Variants in PARD3B observed in about 807,000 individuals in gnomAD.
The protein encoded by PARD3B is par-3 family cell polarity regulator beta.
Under a neutral mutation model 130.2 loss-of-function variants are expected in PARD3B, and 103 were observed. The ratio of observed to expected loss-of-function variants is 0.79; its 90% CI spans 0.67 to 0.93. PARD3B has a LOEUF of 0.93. PARD3B is among the 40% of genes least tolerant of loss of function. The pLI is 0.00. For synonymous variants in PARD3B, 583 were observed against 553.2 expected (o/e 1.05, Z -0.76); for missense variants, 1,609 against 1,499.2 (o/e 1.07, Z -1.21).
intron 20 of PARD3B, among the ~76,000 whole-genome samples, chr2:205,444,239 T>C (rs914018635): frequency 2.3e-4 from 35 of 152,264 alleles, no homozygotes; most frequent in African/African-American, 7.0e-4. Flanking sequence ...CCCCTTGGCC[T>C]CCCAAAATGC....
At chr2:204,638,686 G>A (rs549672278) in intron 1 of PARD3B, among the ~76,000 whole-genome samples, 1 of 152,210 alleles carries the variant, frequency 6.6e-6, no homozygotes, top group Admixed American at 6.5e-5. Context: ...AGATTTTGGG[G>A]GGAGGAGGGG....
intron 11 of PARD3B, among the ~76,000 whole-genome samples, chr2:205,162,907 G>T (rs751561575): frequency 6.6e-6 from 1 of 152,148 alleles, no homozygotes; most frequent in Non-Finnish European, 1.5e-5. Context: ...TTTGAGATCA[G>T]TGGTTTTTCT....
intron 1 of PARD3B, among the ~76,000 whole-genome samples, chr2:204,628,203 C>T (rs376655221): frequency 6.6e-6 from 1 of 151,962 alleles, no homozygotes; most frequent in African/African-American, 2.4e-5. Context: ...GAGTTTCTCC[C>T]TATCCCGCTT....
At chr2:205,014,106 T>C (rs1244311322) in intron 3 of PARD3B, among the ~76,000 whole-genome samples, 4 of 152,362 alleles carry the variant, frequency 2.6e-5, no homozygotes, top group Non-Finnish European at 5.9e-5. Context: ...CTATTCATAT[T>C]GGCATGCTGG....
chr2:205,130,524 T>C (rs547085930), intron 10 of PARD3B, among the ~76,000 whole-genome samples: 16 of 152,298 alleles, frequency 1.1e-4, no homozygotes, highest in Non-Finnish European at 2.1e-4. Context: ...TATGTATGTG[T>C]GTGTACATGT....
intron 1 of PARD3B, among the ~76,000 whole-genome samples, chr2:204,556,527 T>A (rs974196099): frequency 6.6e-6 from 1 of 152,110 alleles, no homozygotes; most frequent in Non-Finnish European, 1.5e-5. Flanking sequence ...TGAAAGATGA[T>A]GAAGAATTTT....
intron 18 of PARD3B, among the ~76,000 whole-genome samples, chr2:205,307,144 T>C (rs11692923): frequency 0.6 from 91,057 of 152,030 alleles, 29,237 homozygotes; most frequent in South Asian, 0.75. Context: ...AGTGGTGTTC[T>C]TGTTCTTGTT....
intron 15 of PARD3B, among the ~76,000 whole-genome samples, chr2:205,237,136 G>A (rs1035602671): frequency 9.9e-5 from 15 of 152,120 alleles, no homozygotes; most frequent in African/African-American, 3.6e-4. Context: ...TTTTGCCCTT[G>A]TCGTCCAGGC....
intron 3 of PARD3B, among the ~76,000 whole-genome samples, chr2:205,023,131 G>T (rs1043244986): frequency 2.0e-5 from 3 of 152,166 alleles, no homozygotes; most frequent in African/African-American, 7.2e-5. Flanking sequence ...CAATCAGAGA[G>T]TGTCGGGGGG....
At chr2:205,399,305 CAA>C (rs2046154449) in intron 18 of PARD3B, among the ~76,000 whole-genome samples, 1 of 151,276 alleles carries the variant, frequency 6.6e-6, no homozygotes, top group South Asian at 2.1e-4. Context: ...GGAATCTCCC[CAA>C]GTTTTTTTTG....
intron 2 of PARD3B, among the ~76,000 whole-genome samples, chr2:204,764,715 C>CGTGCGTGTGTGTGT (rs1553519192): frequency 6.9e-6 from 1 of 145,644 alleles, no homozygotes; most frequent in Non-Finnish European, 1.5e-5. Flanking sequence ...GGCATGCATG[C>CGTGCGTGTGTGTGT]GTGTGTGTGT....
chr2:204,658,926 C>A (rs899881577), intron 1 of PARD3B, among the ~76,000 whole-genome samples: 24 of 152,146 alleles, frequency 1.6e-4, no homozygotes, highest in Admixed American at 1.4e-3. Context: ...CATTTAAAAG[C>A]TCATGTAGAT....
At chr2:204,884,077 A>G (rs2046181774) in intron 2 of PARD3B, among the ~76,000 whole-genome samples, 1 of 152,190 alleles carries the variant, frequency 6.6e-6, no homozygotes, top group Non-Finnish European at 1.5e-5. Flanking sequence ...GATAATAGCT[A>G]AATATTTCAT....
chr2:205,043,310 T>A (rs542872811), intron 3 of PARD3B, among the ~76,000 whole-genome samples: 1 of 152,122 alleles, frequency 6.6e-6, no homozygotes, highest in African/African-American at 2.4e-5. Flanking sequence ...ACCTACTTTT[T>A]TGGGGGAGGG....
chr2:205,436,880 T>C (rs2047535136), intron 19 of PARD3B, among the ~76,000 whole-genome samples: 3 of 152,040 alleles, frequency 2.0e-5, no homozygotes, highest in Admixed American at 2.0e-4. Context: ...CATACTTCTC[T>C]TTTCTCACTA....
At chr2:205,107,881 G>A (rs1485147274) in intron 5 of PARD3B, among the ~76,000 whole-genome samples, 1 of 152,162 alleles carries the variant, frequency 6.6e-6, no homozygotes, top group South Asian at 2.1e-4. Context: ...CACTTTGAAT[G>A]TCTCTTTAAA....
At chr2:205,553,455 T>C (rs750436880) in intron 22 of PARD3B, 52 bp downstream of exon 22, 2 of 1,539,426 alleles carry the variant, frequency 1.3e-6, no homozygotes, top group South Asian at 1.1e-5. Flanking sequence ...ATGAAGTCTT[T>C]AGAGAAGTCT....
chr2:205,508,793 C>A (rs1270923098), intron 21 of PARD3B, among the ~76,000 whole-genome samples: 1 of 152,064 alleles, frequency 6.6e-6, no homozygotes, highest in Non-Finnish European at 1.5e-5. Context: ...GAGAAAAAAC[C>A]ATGTCTATAC....
At chr2:205,173,191 T>C (rs567629601) in intron 12 of PARD3B, among the ~76,000 whole-genome samples, 6 of 152,152 alleles carry the variant, frequency 3.9e-5, no homozygotes, top group Non-Finnish European at 8.8e-5. Flanking sequence ...TAAAATAATA[T>C]ACAAAATTTA....
Sources: allele counts gnomAD v4.1 joint callset (sites outside exome capture counted in the v4.1 genomes callset), GRCh38; gene constraint gnomAD v4.1.1; transcripts MANE v1.5; gene names NCBI Gene and HGNC (gene_info 2026-07-23, HGNC 2026-07-21).